Variants in MYCBPAP observed in about 807,000 individuals in gnomAD.
MYCBPAP encodes MYCBP-associated protein.
In MYCBPAP, 60 loss-of-function variants were observed where a neutral mutation model predicts 106.1. The observed-to-expected ratio is 0.57, with a 90% CI of 0.46 to 0.70. The LOEUF is 0.70. Ranked by LOEUF, MYCBPAP falls within the 30% of genes least tolerant of loss-of-function variation. The pLI is 0.00. For synonymous variants in MYCBPAP, 407 were observed against 440.6 expected (o/e 0.92, Z 0.95); for missense variants, 1,064 against 1,169.3 (o/e 0.91, Z 1.31).
chr17:50,531,292 T>G, intron 18 of MYCBPAP, 35 bp from the exon 19 acceptor site: 1 of 1,497,758 alleles, frequency 6.7e-7, no homozygotes, highest in Non-Finnish European at 9.2e-7. Context: ...TCCCACAGAG[T>G]AAACTCTGCC....
intron 1 of MYCBPAP, among the ~76,000 whole-genome samples, chr17:50,511,586 C>T (rs1371486120): frequency 6.6e-6 from 1 of 152,238 alleles, no homozygotes; most frequent in Non-Finnish European, 1.5e-5. Flanking sequence ...TTCCTACCCC[C>T]ACCTGAGCAC....
chr17:50,519,726 G>C lies in MYCBPAP; in HGVS notation c.855G>C (p.Gln285His). Reference sequence around the variant, plus strand: ...TGGTCATGACCAAGACAAAAACTCAGCGTGGCCTCATGGAGCCCATCACTC... The same window carrying C: ...TGGTCATGACCAAGACAAAAACTCACCGTGGCCTCATGGAGCCCATCACTC... The part of the protein sequence containing the change: ...TGLVMTKTKT[Q>H]RGLMEPITHI... The change falls in exon 7 of 19, where the codon CAG becomes CAC. Residue 285 changes from glutamine (Q) to histidine (H), a missense_variant. Coordinates refer to ENST00000323776, the MANE Select transcript of MYCBPAP (RefSeq NM_032133.6). 1 of 1,614,148 alleles carries C rather than the reference G, an allele frequency of 6.2e-7. No individual in the cohort carries two copies. The highest frequency in any genetic ancestry group is 8.5e-7 in the Non-Finnish European group (1 of 1,180,020).
intron 1 of MYCBPAP, chr17:50,509,022 T>C (rs1413152341): frequency 1.4e-6 from 1 of 702,854 alleles, no homozygotes; most frequent in Non-Finnish European, 2.6e-6. Flanking sequence ...GGCCTTGCGC[T>C]ACCTCTAACC....
rs769846919 is a variant in MYCBPAP, at chr17:50,527,425, G to A, written c.2291+17G>A. 1 of 1,613,470 alleles carries A rather than the reference G, an allele frequency of 6.2e-7. No homozygotes were observed. ...CCAGATGTGGTAGGTGCCCTGCCAG[G>A]AGAGCTGCCCCATCTCCTTCCCTTT... On this transcript the variant is annotated intron_variant, in intron 15 of 18. Transcript: ENST00000323776.
chr17:50,517,824 G>A lies in MYCBPAP; in HGVS notation c.468+126G>A, dbSNP rs2034109564. ...AGTCTGTAGGTTTTGAGTCTGAGTTGATAAGGGACCCTCTCCCAGAATAGT... is the reference window on the plus strand; with the variant it reads ...AGTCTGTAGGTTTTGAGTCTGAGTTAATAAGGGACCCTCTCCCAGAATAGT... On this transcript the variant is annotated intron_variant, in intron 4 of 18. Coordinates refer to ENST00000323776, the MANE Select transcript of MYCBPAP (RefSeq NM_032133.6). The A allele has an allele frequency of 2.5e-5, 19 of 749,264 alleles. No homozygotes were observed. In the South Asian group the frequency reaches 3.3e-4, roughly 13 times the overall value. 46.4% of individuals were successfully genotyped at this position (749,264 alleles called of 1,614,324 possible).
At chr17:50,526,308 C>T (rs374824642) in intron 14 of MYCBPAP, 41 bp downstream of exon 14, 33 of 1,529,734 alleles carry the variant, frequency 2.2e-5, no homozygotes, top group Non-Finnish European at 2.9e-5. Context: ...GAGAATATTC[C>T]TGCCTCGAAC....
At chr17:50,510,132 TCA>T (rs1484755017) in intron 1 of MYCBPAP, 1 of 152,162 alleles carries the variant, frequency 6.6e-6, no homozygotes, top group Non-Finnish European at 1.5e-5. Flanking sequence ...AGACCCAGCC[TCA>T]GAGTTGTGAA....
chr17:50,511,566 C>T (rs982746550), intron 1 of MYCBPAP, among the ~76,000 whole-genome samples: 6 of 152,198 alleles, frequency 3.9e-5, no homozygotes, highest in Non-Finnish European at 4.4e-5. Flanking sequence ...TTCCCCGCTC[C>T]GTATCTCGCT....
At chr17:50,511,351 AC>A (rs1245512432) in intron 1 of MYCBPAP, among the ~76,000 whole-genome samples, 1 of 151,988 alleles carries the variant, frequency 6.6e-6, no homozygotes, top group African/African-American at 2.4e-5. Flanking sequence ...TTGCTAAGAA[AC>A]CAAGAACCCT....
chr17:50,509,281 G>T, intron 1 of MYCBPAP: 1 of 643,858 alleles, frequency 1.6e-6, no homozygotes, highest in Admixed American at 2.3e-5. Flanking sequence ...TTCTCTTTTT[G>T]ACTGCCTTTT....
rs1415883900 is a variant in MYCBPAP at position 50,508,544 on chromosome 17, G to A, written c.-131G>A. On this transcript the variant is annotated 5_prime_UTR_variant, in exon 1 of 19. Coordinates refer to ENST00000323776, the MANE Select transcript of MYCBPAP (RefSeq NM_032133.6). ...GCCGTCTCCGCCCAAGTTGATCGGTGGATGCGCGCCCCCGCGCGGGGCACC... is the reference window on the plus strand; with the variant it reads ...GCCGTCTCCGCCCAAGTTGATCGGTAGATGCGCGCCCCCGCGCGGGGCACC... The A allele has an allele frequency of 6.5e-7, 1 of 1,541,474 alleles. No homozygotes were observed. Among genetic ancestry groups the A allele is most frequent in the Admixed American group, 2.1e-5 (1 of 47,542 alleles).
At chr17:50,517,783 G>C (rs1019881581) in intron 4 of MYCBPAP, 85 bp downstream of exon 4, 1 of 1,135,516 alleles carries the variant, frequency 8.8e-7, no homozygotes, top group Admixed American at 1.8e-5. Context: ...CAGGGCTGGG[G>C]TTAAAGAGAC....
At chr17:50,520,505 TAAAATAAATAAA>T (rs1351677024) in intron 7 of MYCBPAP, among the ~76,000 whole-genome samples, 1 of 95,448 alleles carries the variant, frequency 1.0e-5, no homozygotes, top group East Asian at 3.3e-4. Flanking sequence ...AACTCTGTCT[TAAAATAAATAAA>T]TAAATAAATA....
At position 50,508,469 on chromosome 17, in the gene MYCBPAP, G is replaced by A; in HGVS notation, c.-206G>A. On this transcript the variant is annotated 5_prime_UTR_variant, in exon 1 of 19. Coordinates refer to ENST00000323776, the MANE Select transcript of MYCBPAP (RefSeq NM_032133.6). Reference sequence around the variant, plus strand: ...TTTCTAGGGGTCCGTCGCTCTTGAAGCCGCCGGCGGCGGGCGCGTGCGCGG... The same window carrying A: ...TTTCTAGGGGTCCGTCGCTCTTGAAACCGCCGGCGGCGGGCGCGTGCGCGG... 3 of 1,427,008 alleles carry A rather than the reference G, an allele frequency of 2.1e-6. No homozygotes were observed. The highest frequency in any genetic ancestry group is 2.6e-5 in the East Asian group (1 of 38,226). 88.4% of individuals were successfully genotyped at this position (1,427,008 alleles called of 1,614,324 possible). A position where few individuals can be genotyped will look rare whatever the true frequency, so the allele number is the denominator to read the frequency against.
rs910512057 is a variant in MYCBPAP at position 50,527,295 on chromosome 17, G to T, written c.2178G>T (p.Met726Ile). 2.2e-5 allele frequency: 36 copies of T among 1,613,918 alleles called. No homozygotes were observed. Among genetic ancestry groups the T allele is most frequent in the African/African-American group, 2.7e-5 (2 of 74,924 alleles). ...GCCCATGACCCTGCCAGGCAGTGAT[G>T]GTGCTCCCTGATGAGAACCACAGAG... ...LCLEDFRKAV[M>I]VLPDENHRED... is the part of the protein sequence containing the mutation. Residue 726 changes from methionine (M) to isoleucine (I), a missense_variant, in exon 15 of 19, where the codon ATG becomes ATT. Physicochemically the swap from Met to Ile is conservative, Grantham distance 10. Transcript: ENST00000323776.
Position 50,517,456 on chromosome 17 carries a change from C to T in MYCBPAP, c.364+4C>T, listed in dbSNP as rs1341845025. 1.2e-6 allele frequency: 2 copies of T among 1,614,240 alleles called. No homozygotes were observed. The highest frequency in any genetic ancestry group is 8.5e-7 in the Non-Finnish European group (1 of 1,180,042). On this transcript the variant is annotated splice_donor_region_variant and intron_variant, in intron 3 of 18. Coordinates refer to ENST00000323776, the MANE Select transcript of MYCBPAP (RefSeq NM_032133.6). ...ACAAAGCCTCTGGACTACTCCGGTA[C>T]ACCCAGTCTCAGCCCTGGCTTCACT... is the stretch of plus-strand genomic sequence containing the variant.
At chr17:50,518,446 G>A in intron 4 of MYCBPAP, 95 bp from the exon 5 acceptor site, 1 of 1,108,064 alleles carries the variant, frequency 9.0e-7, no homozygotes, top group Non-Finnish European at 1.3e-6. Context: ...CAGCGCAGTG[G>A]GATAACAGCA....
chr17:50,508,370 C>G, upstream of MYCBPAP: 1 of 542,238 alleles, frequency 1.8e-6, no homozygotes, highest in Non-Finnish European at 3.1e-6. Context: ...GTCCCCCGCC[C>G]CGCCCCGCCC....
At position 50,524,950 on chromosome 17, in the gene MYCBPAP, C is replaced by T. The variant is rs761060297; in HGVS notation, c.1709C>T (p.Thr570Ile). ...VLQELLMGVLTPERTPSPVDA... is the reference protein window; with the variant it reads ...VLQELLMGVLIPERTPSPVDA... ...CAGGAGCTGCTGATGGGGGTCTTGA[C>T]CCCGGAGCGCACACCATCACCTGTG... The change falls in exon 13 of 19, where the codon ACC becomes ATC. Residue 570 changes from threonine to isoleucine, a missense_variant. Thr to Ile is a moderately conservative substitution (Grantham distance 89). Coordinates refer to ENST00000323776, the MANE Select transcript of MYCBPAP (RefSeq NM_032133.6). The T allele has an allele frequency of 2.5e-6, 4 of 1,614,022 alleles. No homozygotes were observed. Among genetic ancestry groups the T allele is most frequent in the Non-Finnish European group, 3.4e-6 (4 of 1,180,030 alleles).
Sources: allele counts gnomAD v4.1 joint callset (sites outside exome capture counted in the v4.1 genomes callset), GRCh38; gene constraint gnomAD v4.1.1; transcripts MANE v1.5; gene names NCBI Gene and HGNC (gene_info 2026-07-23, HGNC 2026-07-21).